The following KPNA4 variants were observed in gnomAD, a reference collection of about 807,000 sequenced individuals.
The protein encoded by KPNA4 is importin subunit alpha-3.
A neutral mutation model predicts 71.3 loss-of-function variants in KPNA4; 13 were observed. The observed-to-expected ratio is 0.18, with a 90% CI of 0.12 to 0.29. The LOEUF is 0.29. KPNA4 is among the 10% of genes least tolerant of loss of function. The probability of loss-of-function intolerance (pLI) is 1.00; values close to 1 mark genes in which losing one functional copy is unlikely to be tolerated. For missense variants in KPNA4, 334 were observed against 603.2 expected, an observed-to-expected ratio of 0.55 and a Z score of 4.67; for synonymous variants, 189 against 195.2, an observed-to-expected ratio of 0.97 and a Z score of 0.26.
chr3:160,524,144 G>T (rs1044604640), intron 10 of KPNA4, among the ~76,000 whole-genome samples: 1 of 151,978 alleles, frequency 6.6e-6, no homozygotes, highest in Non-Finnish European at 1.5e-5. Flanking sequence ...TTACTAAAAA[G>T]AACAATGTAA....
intron 2 of KPNA4, among the ~76,000 whole-genome samples, chr3:160,536,550 G>T (rs190344461): frequency 1.1e-4 from 16 of 152,086 alleles, no homozygotes; most frequent in Admixed American, 4.6e-4. Context: ...TAATGAACAA[G>T]TAACTAGTTG....
In KPNA4 at chr3:160,502,152, A is replaced by G; in HGVS notation, c.1518T>C (p.Phe506=). The G allele has an allele frequency of 6.2e-7, 1 of 1,600,890 alleles. No homozygotes were observed. Among genetic ancestry groups the G allele is most frequent in the Non-Finnish European group, 8.5e-7 (1 of 1,171,674 alleles). ...LVPEAIQGGT[F]GFNSSANVPT... is the part of the protein sequence containing the mutation. ...GTACATTGGCAGATGAATTGAAACC[A>G]AATGTTCCGCCTTGAATTGCCTCTG... Residue 506 remains phenylalanine, a synonymous_variant, in exon 17 of 17, where the codon TTT becomes TTC. Transcript: ENST00000334256.
intron 13 of KPNA4, among the ~76,000 whole-genome samples, chr3:160,510,306 C>T (rs577700279): frequency 2.0e-5 from 3 of 151,718 alleles, no homozygotes; most frequent in Non-Finnish European, 2.9e-5. Flanking sequence ...AAATATGAAG[C>T]GAAGAAATAT....
At chr3:160,543,158 C>T (rs1419161564) in intron 1 of KPNA4, among the ~76,000 whole-genome samples, 2 of 152,118 alleles carry the variant, frequency 1.3e-5, no homozygotes, top group African/African-American at 2.4e-5. Context: ...AAAATAAATG[C>T]ATACATCTCC....
Position 160,526,086 on chromosome 3 carries a change from T to C in KPNA4, c.578A>G (p.Asp193Gly). The change falls in exon 9 of 17, where the codon GAT becomes GGT. Residue 193 changes from aspartate to glycine, a missense_variant. Transcript: ENST00000334256. ...NIIGDGPQCR[D>G]YVISLGVVKP... Reference sequence around the variant, plus strand: ...CACAACTCCAAGACTTATGACATAATCTCTACACTGGGGCCCATCACCTGT... The same window carrying C: ...CACAACTCCAAGACTTATGACATAACCTCTACACTGGGGCCCATCACCTGT... 1 of 1,571,226 alleles carries C rather than the reference T, an allele frequency of 6.4e-7. No individual in the cohort carries two copies. The highest frequency in any genetic ancestry group is 8.6e-7 in the Non-Finnish European group (1 of 1,162,890).
At chr3:160,538,167 G>A (rs939793220) in intron 1 of KPNA4, among the ~76,000 whole-genome samples, 23 of 149,684 alleles carry the variant, frequency 1.5e-4, no homozygotes, top group Non-Finnish European at 3.1e-4. Context: ...ATATATGTGT[G>A]TATATATGTA....
At chr3:160,532,476 T>C (rs974430323) in intron 5 of KPNA4, among the ~76,000 whole-genome samples, 18 of 152,310 alleles carry the variant, frequency 1.2e-4, no homozygotes, top group Admixed American at 8.5e-4. Flanking sequence ...CAGCAACTGA[T>C]AGGAAAACAG....
chr3:160,550,630 GCTGTGGGCTTTTCATATATGGCC>G, intron 1 of KPNA4, among the ~76,000 whole-genome samples: 1 of 152,260 alleles, frequency 6.6e-6, no homozygotes, highest in East Asian at 1.9e-4. Flanking sequence ...TATGTTGTTT[GCTGTGGGCTTTTCATATATGGCC>G]CTTATTATGT....
rs1722229570 is a variant in KPNA4 at position 160,560,857 on chromosome 3, T to C, written c.69+4357A>G. On this transcript the variant is annotated intron_variant, in intron 1 of 16. Transcript: ENST00000334256. ...ATATTGTCACATGCTTGGACTATTATGTGAAAAATTAGACAGTAGTTATTT... is the reference window on the plus strand; with the variant it reads ...ATATTGTCACATGCTTGGACTATTACGTGAAAAATTAGACAGTAGTTATTT... Among the ~76,000 whole-genome samples, 6 of 152,240 alleles carry C rather than the reference T, an allele frequency of 3.9e-5. No homozygotes were observed. The South Asian group carries it at 1.2e-3, about 32-fold the overall frequency.
intron 12 of KPNA4, among the ~76,000 whole-genome samples, chr3:160,514,722 A>C (rs1049100575): frequency 1.3e-5 from 2 of 152,224 alleles, no homozygotes; most frequent in Non-Finnish European, 2.9e-5. Context: ...ATTTCTCTCA[A>C]GGAAAAGTGG....
In KPNA4 at chr3:160,496,324, G is replaced by A. The variant is rs1720762576; in HGVS notation, c.*5780C>T. On this transcript the variant is annotated 3_prime_UTR_variant, in exon 17 of 17. Coordinates refer to ENST00000334256, the MANE Select transcript of KPNA4 (RefSeq NM_002268.5). The stretch of plus-strand genomic sequence containing the variant: ...AAGGATGGGGGAAAGGTGGCTCACA[G>A]GGCTTAAACATCAGAGGAATGGAGA... The A allele has an allele frequency of 6.6e-6, 1 of 152,324 alleles. No homozygotes were observed. Among genetic ancestry groups the A allele is most frequent in the African/African-American group, 2.4e-5 (1 of 41,452 alleles). 9.4% of individuals were successfully genotyped at this position (152,324 alleles called of 1,614,324 possible). A position where few individuals can be genotyped will look rare whatever the true frequency, so the allele number is the denominator to read the frequency against.
At chr3:160,557,842 A>C (rs1031512812) in intron 1 of KPNA4, among the ~76,000 whole-genome samples, 3 of 151,730 alleles carry the variant, frequency 2.0e-5, no homozygotes, top group African/African-American at 7.3e-5. Flanking sequence ...ATCCAGCTAA[A>C]TTTTTTATTT....
intron 11 of KPNA4, among the ~76,000 whole-genome samples, chr3:160,519,800 T>G (rs1577050795): frequency 3.0e-5 from 1 of 33,640 alleles, no homozygotes; most frequent in Admixed American, 3.9e-4. Flanking sequence ...AGACTCCGTC[T>G]CAAAAAAAAA....
At chr3:160,542,655 A>G (rs1292999505) in intron 1 of KPNA4, among the ~76,000 whole-genome samples, 2 of 152,172 alleles carry the variant, frequency 1.3e-5, no homozygotes, top group African/African-American at 2.4e-5. Context: ...TAACACTAGT[A>G]TTAAAGGCCT....
rs114200130 is a variant in KPNA4, at chr3:160,523,542, G to T, written c.772-1632C>A. Among the ~76,000 whole-genome samples, 833 of 151,752 alleles carry T rather than the reference G, an allele frequency of 5.5e-3. 7 individuals are homozygous for T. The highest frequency in any genetic ancestry group is 0.019 in the African/African-American group (806 of 41,380). On this transcript the variant is annotated intron_variant, in intron 10 of 16. Coordinates refer to ENST00000334256, the MANE Select transcript of KPNA4 (RefSeq NM_002268.5). Reference sequence around the variant, plus strand: ...TCTAAGGATATTTCTAATGTAAAAAGAAGACATCAAATGAGAGTTCGCACA... The same window carrying T: ...TCTAAGGATATTTCTAATGTAAAAATAAGACATCAAATGAGAGTTCGCACA...
intron 2 of KPNA4, among the ~76,000 whole-genome samples, chr3:160,536,112 A>G (rs1721688028): frequency 6.6e-6 from 1 of 152,088 alleles, no homozygotes; most frequent in Admixed American, 6.5e-5. Context: ...CAAATATTAC[A>G]TTTTTAATGA....
At chr3:160,528,962 C>T (rs1185651406) in intron 7 of KPNA4, among the ~76,000 whole-genome samples, 1 of 152,176 alleles carries the variant, frequency 6.6e-6, no homozygotes, top group Non-Finnish European at 1.5e-5. Context: ...GTGCCTTACT[C>T]TGCTGCCCAG....
intron 11 of KPNA4, 123 bp from the exon 12 acceptor site, chr3:160,515,703 C>T: frequency 1.9e-6 from 2 of 1,069,740 alleles, no homozygotes; most frequent in East Asian, 5.6e-5. Flanking sequence ...TAACCTCTGC[C>T]TCTCAGGCTC....
At chr3:160,542,156 G>A (rs1721813037) in intron 1 of KPNA4, among the ~76,000 whole-genome samples, 1 of 152,116 alleles carries the variant, frequency 6.6e-6, no homozygotes, top group East Asian at 1.9e-4. Flanking sequence ...GAAATGAACA[G>A]GTAGGCAAGG....
Sources: gnomAD v4.1 joint callset for allele counts (sites outside exome capture counted in the v4.1 genomes callset) on GRCh38, gnomAD v4.1.1 for gene constraint, MANE v1.5 for transcripts, NCBI Gene and HGNC (gene_info 2026-07-23, HGNC 2026-07-21) for gene names.